Variants in ARHGAP15 observed in about 807,000 individuals in gnomAD.
The protein encoded by ARHGAP15 is rho GTPase-activating protein 15.
In ARHGAP15, 51 loss-of-function variants were observed where a neutral mutation model predicts 63.7. The ratio of observed to expected loss-of-function variants is 0.80; its 90% CI spans 0.64 to 1.01. The LOEUF (loss-of-function observed/expected upper bound fraction) is 1.01. Ranked by LOEUF, ARHGAP15 falls within the 50% of genes least tolerant of loss-of-function variation. The pLI, the probability that ARHGAP15 is intolerant of heterozygous loss-of-function variation, is 0.00. For synonymous variants in ARHGAP15, 191 were observed against 193.8 expected (o/e 0.99, Z 0.12); for missense variants, 560 against 564.6 (o/e 0.99, Z 0.08).
At chr2:143,261,968 G>A (rs913168182) in intron 6 of ARHGAP15, among the ~76,000 whole-genome samples, 1 of 152,134 alleles carries the variant, frequency 6.6e-6, no homozygotes, top group African/African-American at 2.4e-5. Context: ...GGTTGCCTCT[G>A]GGTGGGGATA....
intron 3 of ARHGAP15, among the ~76,000 whole-genome samples, chr2:143,211,226 A>G (rs1692546198): frequency 6.6e-6 from 1 of 152,096 alleles, no homozygotes; most frequent in South Asian, 2.1e-4. Context: ...AATGAGTTCC[A>G]AAGAGAAAGA....
intron 12 of ARHGAP15, among the ~76,000 whole-genome samples, chr2:143,632,619 T>C (rs1680099724): frequency 6.6e-6 from 1 of 152,152 alleles, no homozygotes; most frequent in South Asian, 2.1e-4. Context: ...ATCCTGTGCC[T>C]AAACGGAACT....
chr2:143,750,257 T>C (rs878986340), intron 13 of ARHGAP15, among the ~76,000 whole-genome samples: 1 of 152,156 alleles, frequency 6.6e-6, no homozygotes, highest in Non-Finnish European at 1.5e-5. Context: ...CTGGCCAACA[T>C]GGTGAAACCC....
chr2:143,238,277 A>T (rs1411072345), intron 5 of ARHGAP15: 1 of 152,210 alleles, frequency 6.6e-6, no homozygotes, highest in East Asian at 1.9e-4. Flanking sequence ...AATGGGAGAC[A>T]ATTTTTGCAA....
chr2:143,714,832 CTTA>C (rs1186510743), intron 13 of ARHGAP15, among the ~76,000 whole-genome samples: 1 of 152,204 alleles, frequency 6.6e-6, no homozygotes, highest in African/African-American at 2.4e-5. Context: ...CAGCCTGTAT[CTTA>C]TTGTTCATAT....
chr2:143,318,509 C>CTTTTTTTT (rs535910161), intron 6 of ARHGAP15, among the ~76,000 whole-genome samples: 2 of 55,638 alleles, frequency 3.6e-5, no homozygotes, highest in African/African-American at 6.8e-5. Context: ...GATTAAGGGC[C>CTTTTTTTT]TTTTTTTTTT....
chr2:143,660,605 G>C (rs1433076815), intron 12 of ARHGAP15, among the ~76,000 whole-genome samples: 2 of 152,202 alleles, frequency 1.3e-5, no homozygotes, highest in Non-Finnish European at 2.9e-5. Context: ...ACAGACCTGT[G>C]TAAAACTCAA....
chr2:143,422,948 A>G (rs1688989571), intron 6 of ARHGAP15, among the ~76,000 whole-genome samples: 1 of 152,136 alleles, frequency 6.6e-6, no homozygotes, highest in Non-Finnish European at 1.5e-5. Flanking sequence ...CTCAACTCTC[A>G]AGGCCTGAGA....
At chr2:143,711,880 T>A (rs1298585395) in intron 13 of ARHGAP15, among the ~76,000 whole-genome samples, 2 of 152,176 alleles carry the variant, frequency 1.3e-5, no homozygotes, top group Admixed American at 6.5e-5. Flanking sequence ...CAGTGACCTA[T>A]GATTTTGCCA....
rs374026530 is a variant in ARHGAP15, at chr2:143,749,407, TTC to T, written c.1245-18572_1245-18571del. On this transcript the variant is annotated intron_variant, in intron 13 of 13. Coordinates refer to ENST00000295095, the MANE Select transcript of ARHGAP15 (RefSeq NM_018460.4). ...ACGATCTTCATTTCTCTATGCATCC[TTC>T]TCTCTCTCTTTATTCCATTCTCTTC... 2.8e-3 allele frequency among the ~76,000 whole-genome samples: 434 copies of T among 152,326 alleles called. 2 individuals are homozygous for T. The highest frequency in any genetic ancestry group is 0.01 in the African/African-American group (419 of 41,574).
chr2:143,435,547 T>G, intron 6 of ARHGAP15, 54 bp from the exon 7 acceptor site: 2 of 1,502,502 alleles, frequency 1.3e-6, no homozygotes, highest in Non-Finnish European at 1.8e-6. Context: ...AAGAGATCTA[T>G]CTTACATAGT....
chr2:143,177,986 A>T (rs377590636), intron 2 of ARHGAP15, among the ~76,000 whole-genome samples: 1 of 152,198 alleles, frequency 6.6e-6, no homozygotes, highest in East Asian at 1.9e-4. Flanking sequence ...AACAAGCTAA[A>T]TGTTGATAGT....
intron 11 of ARHGAP15, among the ~76,000 whole-genome samples, chr2:143,605,008 A>G (rs985021015): frequency 2.0e-5 from 3 of 152,142 alleles, no homozygotes; most frequent in Admixed American, 6.5e-5. Context: ...TCCCAGGTTC[A>G]AGTGATTCTC....
chr2:143,378,771 G>A lies in ARHGAP15; in HGVS notation c.475-56830G>A, dbSNP rs550448036. Among the ~76,000 whole-genome samples the A allele has an allele frequency of 5.9e-5, 9 of 152,126 alleles. No homozygotes were observed. In the South Asian group the frequency reaches 1.9e-3, roughly 32 times the overall value. On this transcript the variant is annotated intron_variant, in intron 6 of 13. Coordinates refer to ENST00000295095, the MANE Select transcript of ARHGAP15 (RefSeq NM_018460.4). ...ATGCCCTAAAGACAGGTTGCTTGAG[G>A]AAAATGGAGAAGTCAAAGATTTGAA... is the stretch of plus-strand genomic sequence containing the variant.
intron 6 of ARHGAP15, among the ~76,000 whole-genome samples, chr2:143,349,154 T>C (rs1685446050): frequency 1.3e-5 from 2 of 152,326 alleles, no homozygotes; most frequent in South Asian, 2.1e-4. Flanking sequence ...AACTTGAAGA[T>C]TGCATTTTTA....
At position 143,221,703 on chromosome 2, in the gene ARHGAP15, C is replaced by T. The variant is rs1018829374; in HGVS notation, c.296+5258C>T. Among the ~76,000 whole-genome samples, 16 of 152,262 alleles carry T rather than the reference C, an allele frequency of 1.1e-4. 1 individual carries two copies. Among genetic ancestry groups the T allele is most frequent in the Admixed American group, 6.5e-4 (10 of 15,304 alleles). ...TTCTCCCTCGGCATCTAGGTCTTCC[C>T]GTCATCAGCTCCTGTGTGGCTCTGC... On this transcript the variant is annotated intron_variant, in intron 4 of 13. Transcript: ENST00000295095.
chr2:143,175,312 G>A (rs1395464528), intron 2 of ARHGAP15, among the ~76,000 whole-genome samples: 2 of 152,176 alleles, frequency 1.3e-5, no homozygotes, highest in African/African-American at 4.8e-5. Context: ...ATTTGAAAAT[G>A]TATTAACCAC....
At chr2:143,573,874 G>T (rs936082658) in intron 11 of ARHGAP15, among the ~76,000 whole-genome samples, 5 of 151,932 alleles carry the variant, frequency 3.3e-5, no homozygotes, top group Non-Finnish European at 7.4e-5. Flanking sequence ...TGTTTGTTCA[G>T]GTTCATATTT....
At chr2:143,168,343 G>GT (rs1690631942) in intron 2 of ARHGAP15, among the ~76,000 whole-genome samples, 1 of 151,832 alleles carries the variant, frequency 6.6e-6, no homozygotes, top group Admixed American at 6.6e-5. Flanking sequence ...AATCCTGGCT[G>GT]TTTTTCAAGT....
Sources: allele counts gnomAD v4.1 joint callset (sites outside exome capture counted in the v4.1 genomes callset), GRCh38; gene constraint gnomAD v4.1.1; transcripts MANE v1.5; gene names NCBI Gene and HGNC (gene_info 2026-07-23, HGNC 2026-07-21).